PTPRN: variants seen among roughly 807,000 people sequenced by gnomAD.
PTPRN encodes the protein protein tyrosine phosphatase receptor type N.
Under a neutral mutation model 108.5 loss-of-function variants are expected in PTPRN, and 70 were observed. That is an observed-to-expected ratio of 0.65 (90% CI 0.53 to 0.79). The LOEUF (loss-of-function observed/expected upper bound fraction) is 0.79. Ranked by LOEUF, PTPRN falls within the 30% of genes least tolerant of loss-of-function variation. The pLI, the probability that PTPRN is intolerant of heterozygous loss-of-function variation, is 0.00. For missense variants in PTPRN, 1,136 were observed against 1,295.5 expected (o/e 0.88, Z 1.89); for synonymous variants, 496 against 524.6 (o/e 0.95, Z 0.75).
intron 1 of PTPRN, 37 bp downstream of exon 1, chr2:219,309,181 G>GCCCCCCCCCCCCCCC: frequency 3.2e-6 from 2 of 628,494 alleles, no homozygotes; most frequent in Non-Finnish European, 4.8e-6. Context: ...GCTGCTCCCC[G>GCCCCCCCCCCCCCCC]CCCCCCACCA....
At chr2:219,300,822 T>C in intron 8 of PTPRN, 121 bp downstream of exon 8, 1 of 1,163,592 alleles carries the variant, frequency 8.6e-7, no homozygotes, top group Non-Finnish European at 1.3e-6. Context: ...TGGGCCTTGG[T>C]TTCCCCCAAA....
intron 19 of PTPRN, chr2:219,291,962 T>TTC (rs990303717): frequency 2.6e-5 from 5 of 193,028 alleles, no homozygotes; most frequent in African/African-American, 1.2e-4. Flanking sequence ...TAAGAGACAC[T>TTC]TCTGCCCAAG....
chr2:219,296,661 G>A lies in PTPRN; in HGVS notation c.2310+88C>T. On this transcript the variant is annotated intron_variant, in intron 16 of 22. Transcript: ENST00000295718. The surrounding 1 kb of genome is among the most constrained non-coding windows in gnomAD (Gnocchi z 6.0). ...GGCCCCACCACTCCAGGGGGTTGGT[G>A]GGGTGGCAGGTGACCACGGGGAAAT... The A allele has an allele frequency of 1.9e-6, 3 of 1,567,382 alleles. No homozygotes were observed. Among genetic ancestry groups the A allele is most frequent in the Non-Finnish European group, 2.6e-6 (3 of 1,145,016 alleles).
chr2:219,299,911 G>T, intron 9 of PTPRN, 74 bp downstream of exon 9: 1 of 1,589,892 alleles, frequency 6.3e-7, no homozygotes, highest in Non-Finnish European at 8.6e-7. Context: ...CTGGATTTCT[G>T]CCCTCTGCTT....
At chr2:219,302,544 C>A in intron 5 of PTPRN, 32 bp downstream of exon 5, 7 of 1,612,664 alleles carry the variant, frequency 4.3e-6, no homozygotes, top group Non-Finnish European at 5.9e-6. Context: ...TGAGGGACTG[C>A]GGTTGGGGTG....
chr2:219,294,493 A>AGACGGAGAGGGATGAAGGAGG (rs138820838), intron 19 of PTPRN, among the ~76,000 whole-genome samples: 13,575 of 143,550 alleles, frequency 0.095, 1,869 homozygotes, highest in East Asian at 0.51. Flanking sequence ...AGAGGCGAAG[A>AGACGGAGAGGGATGAAGGAGG]GACGGAGAGG....
chr2:219,296,322 G>A lies in PTPRN; in HGVS notation c.2412C>T (p.Thr804=), dbSNP rs370422910. The change falls in exon 18 of 23, where the codon ACC becomes ACT. Residue 804 remains threonine, a synonymous_variant. Coordinates refer to ENST00000295718, the MANE Select transcript of PTPRN (RefSeq NM_002846.4). The surrounding 1 kb of genome is among the most constrained non-coding windows in gnomAD (Gnocchi z 6.0). ...FWQMVWESGC[T]VIVMLTPLVE... ...CCAGCGGGGTCAGCATGACGATGAC[G>A]GTGCAGCCGCTCTCCCACACCATCT... 33 of 1,613,924 alleles carry A rather than the reference G, an allele frequency of 2.0e-5. No homozygotes were observed. The highest frequency in any genetic ancestry group is 1.3e-4 in the East Asian group (6 of 44,868).
At chr2:219,308,740 T>C (rs994402069) in intron 1 of PTPRN, 3 of 1,026,606 alleles carry the variant, frequency 2.9e-6, no homozygotes, top group African/African-American at 3.4e-5. Context: ...TCAGCTTCTC[T>C]AGGCTTACGG....
chr2:219,302,114 G>T, intron 6 of PTPRN, 23 bp downstream of exon 6: 1 of 1,542,092 alleles, frequency 6.5e-7, no homozygotes, highest in Non-Finnish European at 8.7e-7. Flanking sequence ...TCACAGGGAG[G>T]TGGATGCTGA....
Position 219,296,593 on chromosome 2 carries a change from CAG to C in PTPRN, c.2311-79_2311-78del. The stretch of plus-strand genomic sequence containing the variant: ...ACAGGCGTGGTCAGAGCAAGTGGGT[CAG>C]GGTCTGAGAAGGCTGGCAGTTCCCC... On this transcript the variant is annotated intron_variant, in intron 16 of 22. Coordinates refer to ENST00000295718, the MANE Select transcript of PTPRN (RefSeq NM_002846.4). This position sits in a 1 kb window ranked among gnomAD's most constrained non-coding sequence, Gnocchi z 6.0. 1.3e-6 allele frequency: 2 copies of C among 1,586,300 alleles called. No individual in the cohort carries two copies. Among genetic ancestry groups the C allele is most frequent in the Non-Finnish European group, 1.7e-6 (2 of 1,157,236 alleles).
intron 1 of PTPRN, 192 bp downstream of exon 1, chr2:219,309,026 C>A: frequency 1.3e-5 from 19 of 1,464,360 alleles, no homozygotes; most frequent in African/African-American, 4.4e-5. Context: ...CCCCCGTATT[C>A]CCAGCCCCAC....
In PTPRN at chr2:219,307,558, C is replaced by T; in HGVS notation, c.167-1G>A. On this transcript the variant is annotated splice_acceptor_variant, in intron 2 of 22. Transcript: ENST00000295718. LOFTEE classifies it high-confidence loss of function. ...ACCTGGCACTGCCCAAACAAGCCAT[C>T]TAAGGGCACAAAAGTGGTGTCAGCA... 1 of 1,613,412 alleles carries T rather than the reference C, an allele frequency of 6.2e-7. No homozygotes were observed. Among genetic ancestry groups the T allele is most frequent in the Non-Finnish European group, 8.5e-7 (1 of 1,179,688 alleles).
At position 219,296,074 on chromosome 2, in the gene PTPRN, A is replaced by G. The variant is rs540938355; in HGVS notation, c.2508+152T>C. 1 of 1,087,594 alleles carries G rather than the reference A, an allele frequency of 9.2e-7. No homozygotes were observed. Among genetic ancestry groups the G allele is most frequent in the Admixed American group, 2.3e-5 (1 of 44,232 alleles). The allele number at this position is 1,087,594 out of a possible 1,614,324, so 67.4% of individuals were successfully genotyped here. ...TATGGGTATGCATATATGTGTTTAT[A>G]TATATTCATATATGTATGAATCATG... On this transcript the variant is annotated intron_variant, in intron 18 of 22. Transcript: ENST00000295718. This position sits in a 1 kb window ranked among gnomAD's most constrained non-coding sequence, Gnocchi z 6.0.
Position 219,302,857 on chromosome 2 carries a change from G to C in PTPRN, c.378-20C>G. ...CCAGACCTGTAGAGGAAAGCAAAGTGTGTGTGTTGGAGCGGGGGAAAGGGC... is the reference window on the plus strand; with the variant it reads ...CCAGACCTGTAGAGGAAAGCAAAGTCTGTGTGTTGGAGCGGGGGAAAGGGC... On this transcript the variant is annotated intron_variant, in intron 4 of 22. Coordinates refer to ENST00000295718, the MANE Select transcript of PTPRN (RefSeq NM_002846.4). 1 of 1,602,900 alleles carries C rather than the reference G, an allele frequency of 6.2e-7. No homozygotes were observed. The highest frequency in any genetic ancestry group is 8.5e-7 in the Non-Finnish European group (1 of 1,177,034).
chr2:219,308,789 A>T, intron 1 of PTPRN: 1 of 1,248,088 alleles, frequency 8.0e-7, no homozygotes, highest in Admixed American at 2.5e-5. Context: ...CTGGGACTCT[A>T]TGTCTGCGGC....
At chr2:219,294,467 G>C (rs961832967) in intron 19 of PTPRN, among the ~76,000 whole-genome samples, 2 of 126,950 alleles carry the variant, frequency 1.6e-5, no homozygotes, top group Non-Finnish European at 3.0e-5. Flanking sequence ...GAAAAAGAAT[G>C]AAAGACACAG....
intron 3 of PTPRN, among the ~76,000 whole-genome samples, chr2:219,306,513 G>A (rs13431407): frequency 2.5e-3 from 380 of 152,326 alleles, no homozygotes; most frequent in African/African-American, 8.9e-3. Context: ...CAGCAAAAGT[G>A]ATGCTTGTCA....
Position 219,302,380 on chromosome 2 carries a change from C to T in PTPRN, c.751G>A (p.Gly251Ser). 3 of 1,613,998 alleles carry T rather than the reference C, an allele frequency of 1.9e-6. No homozygotes were observed. Among genetic ancestry groups the T allele is most frequent in the Non-Finnish European group, 2.5e-6 (3 of 1,179,922 alleles). ...TGGCCAGGGTGGTCCCCAAATATGC[C>T]CTTGGAGGCAGTTCTGCTGAAGAGG... is the stretch of plus-strand genomic sequence containing the variant. Reference protein sequence around the residue: ...PALFSRTASKGIFGDHPGHSY... With the variant: ...PALFSRTASKSIFGDHPGHSY... The change falls in exon 6 of 23, where the codon GGC becomes AGC. Residue 251 changes from glycine (G) to serine (S), a missense_variant. Transcript: ENST00000295718.
chr2:219,301,583 C>T lies in PTPRN; in HGVS notation c.1126+5G>A. The T allele has an allele frequency of 6.2e-7, 1 of 1,604,660 alleles. No individual in the cohort carries two copies. The highest frequency in any genetic ancestry group is 8.5e-7 in the Non-Finnish European group (1 of 1,172,236). On this transcript the variant is annotated splice_donor_5th_base_variant and intron_variant, in intron 7 of 22. Transcript: ENST00000295718. The stretch of plus-strand genomic sequence containing the variant: ...ATTGGTCCCTCCCTCTGCCTGGACA[C>T]TTACCCGGATTTCTTCCTGCACCCT...
Sources: gnomAD v4.1 joint callset for allele counts (sites outside exome capture counted in the v4.1 genomes callset) on GRCh38, gnomAD v4.1.1 for gene constraint, Gnocchi (gnomAD v3.1) non-coding constraint, MANE v1.5 for transcripts, NCBI Gene and HGNC (gene_info 2026-07-23, HGNC 2026-07-21) for gene names.